Variants in TIAM2 observed in about 807,000 individuals in gnomAD.
TIAM2 encodes TIAM Rac1 associated GEF 2, also known as rho guanine nucleotide exchange factor TIAM2.
Under a neutral mutation model 152.9 loss-of-function variants are expected in TIAM2, and 80 were observed. The ratio of observed to expected loss-of-function variants is 0.52; its 90% confidence interval spans 0.44 to 0.63. The LOEUF is 0.63. Ranked by LOEUF, TIAM2 falls within the 30% of genes least tolerant of loss-of-function variation. TIAM2 has a pLI of 0.00. For synonymous variants in TIAM2, 804 were observed against 838.0 expected, an observed-to-expected ratio of 0.96 and a Z score of 0.70; for missense variants, 1,965 against 2,120.1, an observed-to-expected ratio of 0.93 and a Z score of 1.44.
Position 155,256,780 on chromosome 6 carries a change from G to A in TIAM2, c.4765G>A (p.Glu1589Lys), listed in dbSNP as rs767085875. 7.4e-6 allele frequency: 12 copies of A among 1,614,082 alleles called. No homozygotes were observed. In the East Asian group the frequency reaches 8.9e-5, roughly 12 times the overall value. ...VKQGSPTKDI[E>K]IQFQRLRISE... ...GCAGGGCAGCCCTACTAAAGACATC[G>A]AAATTCAGTTCCAGAGACTGAGGAT... Residue 1589 changes from glutamate (E) to lysine (K), a missense_variant, in exon 27 of 27, where the codon GAA becomes AAA. Coordinates refer to ENST00000682666, the MANE Select transcript of TIAM2 (RefSeq NM_012454.4).
At chr6:155,125,786 C>T (rs549070031) in intron 2 of TIAM2, among the ~76,000 whole-genome samples, 3 of 151,532 alleles carry the variant, frequency 2.0e-5, no homozygotes, top group East Asian at 3.9e-4. Flanking sequence ...TGCAGTGAGC[C>T]GAGATTGTGC....
intron 1 of TIAM2, among the ~76,000 whole-genome samples, chr6:155,067,582 T>C (rs73573714): frequency 0.012 from 1,831 of 152,170 alleles, 18 homozygotes; most frequent in Middle Eastern, 0.037. Context: ...AAGCTTCCCT[T>C]TCCCCTGTTG....
chr6:155,016,545 T>G (rs73001055), intron 1 of TIAM2, among the ~76,000 whole-genome samples: 2,071 of 97,010 alleles, frequency 0.021, 8 homozygotes, highest in Admixed American at 0.035. Context: ...AAATTTAAAT[T>G]TAAATGGTAT....
At chr6:155,202,450 ACT>A (rs1781493987) in intron 14 of TIAM2, among the ~76,000 whole-genome samples, 1 of 152,222 alleles carries the variant, frequency 6.6e-6, no homozygotes, top group East Asian at 1.9e-4. Flanking sequence ...GCAAGGTCTC[ACT>A]CTGTCGCCTA....
At chr6:155,016,225 G>A (rs1412971941) in intron 1 of TIAM2, 1 of 152,168 alleles carries the variant, frequency 6.6e-6, no homozygotes, top group Non-Finnish European at 1.5e-5. Flanking sequence ...AATATTTATT[G>A]CAGCATTGTT....
intron 15 of TIAM2, among the ~76,000 whole-genome samples, chr6:155,211,733 A>G (rs1401992039): frequency 6.6e-6 from 1 of 152,078 alleles, no homozygotes; most frequent in African/African-American, 2.4e-5. Flanking sequence ...ATAACATAAA[A>G]TATGCCTTTT....
chr6:155,142,162 C>A (rs1234891148), intron 5 of TIAM2, among the ~76,000 whole-genome samples: 1 of 152,174 alleles, frequency 6.6e-6, no homozygotes, highest in East Asian at 1.9e-4. Context: ...GGGTGCAGCC[C>A]GTTTCCACTG....
chr6:155,073,080 T>C (rs1158266210), intron 1 of TIAM2, among the ~76,000 whole-genome samples: 1 of 151,996 alleles, frequency 6.6e-6, no homozygotes, highest in African/African-American at 2.4e-5. Context: ...TATTAAAGGT[T>C]AGAGATTAAA....
intron 1 of TIAM2, among the ~76,000 whole-genome samples, chr6:155,048,775 A>AT (rs1378954993): frequency 6.6e-6 from 1 of 151,278 alleles, no homozygotes; most frequent in Non-Finnish European, 1.5e-5. Flanking sequence ...ACAGAAGGAG[A>AT]TCTTGAAATC....
At chr6:155,242,914 C>T (rs149276893) in intron 16 of TIAM2, among the ~76,000 whole-genome samples, 240 of 126,474 alleles carry the variant, frequency 1.9e-3, no homozygotes, top group South Asian at 2.1e-3. Flanking sequence ...TTTTTTTTTT[C>T]TTTTTTTTAG....
At chr6:155,250,812 G>A (rs1478059658) in intron 21 of TIAM2, 101 bp from the exon 22 acceptor site, 2 of 1,301,058 alleles carry the variant, frequency 1.5e-6, no homozygotes, top group Non-Finnish European at 2.2e-6. Context: ...AACCAGCTGT[G>A]CTTGCATTTT....
intron 1 of TIAM2, among the ~76,000 whole-genome samples, chr6:155,010,979 G>A (rs1778478678): frequency 6.6e-6 from 1 of 151,970 alleles, no homozygotes; most frequent in African/African-American, 2.4e-5. Flanking sequence ...GGGAGGCGGA[G>A]GTTGTGGTGA....
intron 14 of TIAM2, among the ~76,000 whole-genome samples, chr6:155,196,851 C>T (rs766565332): frequency 6.6e-6 from 1 of 152,104 alleles, no homozygotes; most frequent in Non-Finnish European, 1.5e-5. Flanking sequence ...ATAAATTATC[C>T]AATCTCATAT....
intron 4 of TIAM2, among the ~76,000 whole-genome samples, chr6:155,133,803 C>G (rs12665393): frequency 6.6e-6 from 1 of 151,298 alleles, no homozygotes; most frequent in African/African-American, 2.4e-5. Context: ...GGCGCCATGT[C>G]GGCTCACTCA....
rs762066999 is a variant in TIAM2 at position 155,129,376 on chromosome 6, C to T, written c.153C>T (p.Asn51=). The T allele has an allele frequency of 1.2e-5, 20 of 1,614,018 alleles. No individual in the cohort carries two copies. Among genetic ancestry groups the T allele is most frequent in the Middle Eastern group, 1.6e-4 (1 of 6,084 alleles). The change falls in exon 4 of 27, where the codon AAC becomes AAT. Residue 51 remains asparagine (N), a synonymous_variant. Transcript: ENST00000682666. This position sits in a 1 kb window ranked among gnomAD's most constrained non-coding sequence, Gnocchi z 4.8. ...TGCATGGATGGGGTCACGGAAGCAACGGAGCAGGTTACAAGTCCAGGTCCC... is the reference window on the plus strand; with the variant it reads ...TGCATGGATGGGGTCACGGAAGCAATGGAGCAGGTTACAAGTCCAGGTCCC... ...KSLHGWGHGS[N]GAGYKSRSLA...
intron 1 of TIAM2, among the ~76,000 whole-genome samples, chr6:155,024,047 C>A (rs7746011): frequency 0.9 from 137,229 of 152,068 alleles, 62,078 homozygotes; most frequent in Middle Eastern, 0.94. Flanking sequence ...TTCCCTCCCA[C>A]TCTGCAGAGG....
intron 1 of TIAM2, among the ~76,000 whole-genome samples, chr6:155,059,458 G>A (rs1007353592): frequency 1.3e-5 from 2 of 151,992 alleles, no homozygotes; most frequent in African/African-American, 4.8e-5. Context: ...CAAGTTGCTG[G>A]GATTACAGGT....
At chr6:155,127,196 T>C (rs1187592430) in intron 2 of TIAM2, among the ~76,000 whole-genome samples, 1 of 152,188 alleles carries the variant, frequency 6.6e-6, no homozygotes, top group East Asian at 1.9e-4. Context: ...TTCCTGGTCA[T>C]GGTGACAGAT....
chr6:155,254,757 C>A, intron 26 of TIAM2, 184 bp downstream of exon 26: 1 of 669,394 alleles, frequency 1.5e-6, no homozygotes, highest in Non-Finnish European at 2.4e-6. Context: ...TACAGCCACC[C>A]CCAACCCCCA....
Sources: allele counts gnomAD v4.1 joint callset (sites outside exome capture counted in the v4.1 genomes callset), GRCh38; gene constraint gnomAD v4.1.1; non-coding constraint Gnocchi (gnomAD v3.1); transcripts MANE v1.5; gene names NCBI Gene and HGNC (gene_info 2026-07-23, HGNC 2026-07-21).